Variants in ADGRB3 observed in about 807,000 individuals in gnomAD.
ADGRB3 encodes the protein brain-specific angiogenesis inhibitor 3.
Under a neutral mutation model 193.4 loss-of-function variants are expected in ADGRB3, and 37 were observed. That is an observed-to-expected ratio of 0.19 (90% confidence interval 0.15 to 0.25). The LOEUF (loss-of-function observed/expected upper bound fraction) is 0.25. Ranked by LOEUF, ADGRB3 falls within the 10% of genes least tolerant of loss-of-function variation. The probability of loss-of-function intolerance (pLI) is 1.00; values close to 1 mark genes in which losing one functional copy is unlikely to be tolerated. For synonymous variants in ADGRB3, 690 were observed against 644.2 expected, an observed-to-expected ratio of 1.07 and a Z score of -1.08; for missense variants, 1,637 against 1,852.9, an observed-to-expected ratio of 0.88 and a Z score of 2.14.
intron 3 of ADGRB3, among the ~76,000 whole-genome samples, chr6:68,833,134 A>C (rs1767984930): frequency 6.6e-6 from 1 of 152,160 alleles, no homozygotes; most frequent in Non-Finnish European, 1.5e-5. Flanking sequence ...AGGAAAGATC[A>C]TATGTATACA....
chr6:69,103,664 A>G (rs777176203), intron 17 of ADGRB3, among the ~76,000 whole-genome samples: 15 of 151,868 alleles, frequency 9.9e-5, no homozygotes, highest in Non-Finnish European at 1.9e-4. Context: ...GTGAATTGTA[A>G]AAGTAATGAA....
At chr6:68,690,121 A>G (rs1345250212) in intron 3 of ADGRB3, among the ~76,000 whole-genome samples, 1 of 152,144 alleles carries the variant, frequency 6.6e-6, no homozygotes, top group Non-Finnish European at 1.5e-5. Context: ...GCAGTGAGCA[A>G]GTAGGGTTGT....
At chr6:69,126,562 G>A (rs1351931319) in intron 17 of ADGRB3, among the ~76,000 whole-genome samples, 2 of 152,104 alleles carry the variant, frequency 1.3e-5, no homozygotes, top group Non-Finnish European at 2.9e-5. Context: ...ATCTTTAGAA[G>A]AGAGAGAGAG....
intron 17 of ADGRB3, among the ~76,000 whole-genome samples, chr6:69,219,627 T>C (rs1258137073): frequency 6.6e-6 from 1 of 151,282 alleles, no homozygotes; most frequent in Non-Finnish European, 1.5e-5. Context: ...GCTAAATCTT[T>C]GCTAAAAGAT....
intron 3 of ADGRB3, among the ~76,000 whole-genome samples, chr6:68,895,475 T>C (rs1582292819): frequency 6.6e-6 from 1 of 151,980 alleles, no homozygotes; most frequent in East Asian, 1.9e-4. Context: ...CACTATTTCA[T>C]AGACTGACCA....
chr6:69,087,257 C>G (rs746638840), intron 17 of ADGRB3, among the ~76,000 whole-genome samples: 8 of 152,142 alleles, frequency 5.3e-5, no homozygotes, highest in Non-Finnish European at 1.2e-4. Flanking sequence ...TTTAACATTA[C>G]TGTTCTAAAT....
intron 3 of ADGRB3, among the ~76,000 whole-genome samples, chr6:68,738,844 A>G (rs1765923188): frequency 6.6e-6 from 1 of 152,120 alleles, no homozygotes; most frequent in South Asian, 2.1e-4. Context: ...CTGTCAGTGG[A>G]TATTTACAGT....
intron 13 of ADGRB3, among the ~76,000 whole-genome samples, chr6:69,030,565 TG>T (rs1392295902): frequency 2.0e-5 from 3 of 151,932 alleles, no homozygotes; most frequent in Non-Finnish European, 4.4e-5. Context: ...AGTTGAACAA[TG>T]AGAACACATG....
At chr6:69,095,306 G>A (rs1382521663) in intron 17 of ADGRB3, among the ~76,000 whole-genome samples, 2 of 151,580 alleles carry the variant, frequency 1.3e-5, no homozygotes, top group East Asian at 3.9e-4. Flanking sequence ...CTTGATCATG[G>A]GAGGCCTTCA....
intron 13 of ADGRB3, among the ~76,000 whole-genome samples, chr6:69,046,822 A>C (rs1771249960): frequency 6.6e-6 from 1 of 152,176 alleles, no homozygotes; most frequent in Admixed American, 6.5e-5. Context: ...TTAAATTACA[A>C]ATTTTTAAAT....
rs891202621 is a variant in ADGRB3 at position 68,646,338 on chromosome 6, G to A, written c.757+6906G>A. Among the ~76,000 whole-genome samples, 5 of 151,834 alleles carry A rather than the reference G, an allele frequency of 3.3e-5. No individual in the cohort carries two copies. The East Asian group carries it at 5.9e-4, about 18-fold the overall frequency. ...CTAAGAATACAAAAATTAGCCAGGC[G>A]TGGTGGGGCATGCCTGCAATCCCGA... is the stretch of plus-strand genomic sequence containing the variant. On this transcript the variant is annotated intron_variant, in intron 3 of 31. Coordinates refer to ENST00000370598, the MANE Select transcript of ADGRB3 (RefSeq NM_001704.3).
chr6:69,101,433 CGT>C (rs59471051), intron 17 of ADGRB3, among the ~76,000 whole-genome samples: 19,549 of 145,290 alleles, frequency 0.13, 1,441 homozygotes, highest in African/African-American at 0.17. Flanking sequence ...CAGTAAGTAT[CGT>C]GTGTGTGTGT....
intron 17 of ADGRB3, among the ~76,000 whole-genome samples, chr6:69,210,153 T>TATATATATATATATATATATAA (rs1194112354): frequency 2.6e-5 from 3 of 115,758 alleles, no homozygotes; most frequent in Non-Finnish European, 5.2e-5. Flanking sequence ...ATATATCATA[T>TATATATATATATATATATATAA]ATATATATAT....
intron 3 of ADGRB3, among the ~76,000 whole-genome samples, chr6:68,674,322 G>T (rs139705562): frequency 1.1e-4 from 17 of 151,906 alleles, no homozygotes; most frequent in African/African-American, 3.9e-4. Flanking sequence ...AATTTTAGAC[G>T]GCATGAAACA....
At chr6:69,373,991 ATACT>A (rs1769761135) in intron 30 of ADGRB3, among the ~76,000 whole-genome samples, 1 of 152,080 alleles carries the variant, frequency 6.6e-6, no homozygotes, top group African/African-American at 2.4e-5. Flanking sequence ...CCTTAAGCTG[ATACT>A]TACTTCTACG....
rs113853437 is a variant in ADGRB3, at chr6:69,217,775, A to G, written c.2481-15515A>G. On this transcript the variant is annotated intron_variant, in intron 17 of 31. Coordinates refer to ENST00000370598, the MANE Select transcript of ADGRB3 (RefSeq NM_001704.3). ...TCTCTTCACAGCCCCTTTGGCAGTC[A>G]GATTGAAGAGCCTTCTGTCCTTGAG... is the stretch of plus-strand genomic sequence containing the variant. Among the ~76,000 whole-genome samples the G allele has an allele frequency of 1.0e-2, 1,517 of 152,348 alleles. 25 individuals carry two copies. The highest frequency in any genetic ancestry group is 0.032 in the African/African-American group (1,334 of 41,572).
intron 3 of ADGRB3, among the ~76,000 whole-genome samples, chr6:68,868,952 T>TGTGTGTGTGTGTGTGTG (rs1562064133): frequency 8.7e-6 from 1 of 114,360 alleles, no homozygotes; most frequent in East Asian, 2.0e-4. Flanking sequence ...AGTGTGTGTG[T>TGTGTGTGTGTGTGTGTG]TTAAACTTAA....
At chr6:68,951,512 A>G (rs776976481) in intron 6 of ADGRB3, among the ~76,000 whole-genome samples, 51 of 152,234 alleles carry the variant, frequency 3.4e-4, no homozygotes, top group Non-Finnish European at 4.1e-4. Context: ...GAGCTCAGCC[A>G]GTCCTTATCA....
intron 25 of ADGRB3, 136 bp from the exon 26 acceptor site, chr6:69,339,197 C>A: frequency 8.4e-7 from 1 of 1,193,560 alleles, no homozygotes; most frequent in Non-Finnish European, 1.2e-6. Context: ...ATAAGACTCT[C>A]AAATGTCATC....
Sources: allele counts gnomAD v4.1 joint callset (sites outside exome capture counted in the v4.1 genomes callset), GRCh38; gene constraint gnomAD v4.1.1; transcripts MANE v1.5; gene names NCBI Gene and HGNC (gene_info 2026-07-23, HGNC 2026-07-21).